The following AGAP1 variants were observed in gnomAD, a reference collection of about 807,000 sequenced individuals.
AGAP1 encodes the protein ArfGAP with GTPase domain, ankyrin repeat and PH domain 1, also known as arf-GAP with GTPase, ANK repeat and PH domain-containing protein 1.
In AGAP1, 29 loss-of-function variants were observed where a neutral mutation model predicts 105.3. The observed-to-expected ratio is 0.28, with a 90% confidence interval of 0.21 to 0.38. The LOEUF is 0.38. Among genes scored for constraint, AGAP1 ranks in the 10% least tolerant of loss-of-function variants. The pLI is 1.00. For synonymous variants in AGAP1, 509 were observed against 485.9 expected (o/e 1.05, Z -0.63); for missense variants, 998 against 1,165.1 (o/e 0.86, Z 2.09).
chr2:235,616,536 A>G (rs1052085669), intron 1 of AGAP1, among the ~76,000 whole-genome samples: 27 of 152,294 alleles, frequency 1.8e-4, no homozygotes, highest in African/African-American at 6.3e-4. Flanking sequence ...TAAAAACCCT[A>G]ACAATGTATT....
chr2:235,595,667 T>C (rs1199091325), intron 1 of AGAP1, among the ~76,000 whole-genome samples: 1 of 152,156 alleles, frequency 6.6e-6, no homozygotes, highest in African/African-American at 2.4e-5. Flanking sequence ...GCTTGGTGTT[T>C]GGGCAGATGC....
At chr2:235,513,806 ATGGGGTCT>A (rs1475404589) in intron 1 of AGAP1, among the ~76,000 whole-genome samples, 1 of 152,116 alleles carries the variant, frequency 6.6e-6, no homozygotes, top group Non-Finnish European at 1.5e-5. Context: ...GCTGTGCTTG[ATGGGGTCT>A]AGAAGCATTG....
rs1054917861 is a variant in AGAP1 at position 235,599,544 on chromosome 2, C to T, written c.163+104695C>T. Among the ~76,000 whole-genome samples the T allele has an allele frequency of 8.6e-5, 13 of 151,948 alleles. No individual in the cohort carries two copies. Among genetic ancestry groups the T allele is most frequent in the African/African-American group, 3.2e-4 (13 of 41,244 alleles). On this transcript the variant is annotated intron_variant, in intron 1 of 17. Transcript: ENST00000304032. The surrounding 1 kb of genome is among the most constrained non-coding windows in gnomAD (Gnocchi z 5.3). ...CAAAAATAAGTTTATAAAAAGCCCCCACCAAGTCAGGATTTGTCCAGAATG... is the reference window on the plus strand; with the variant it reads ...CAAAAATAAGTTTATAAAAAGCCCCTACCAAGTCAGGATTTGTCCAGAATG...
Position 235,549,437 on chromosome 2 carries a change from G to A in AGAP1, c.163+54588G>A, listed in dbSNP as rs542450937. 1.3e-5 allele frequency among the ~76,000 whole-genome samples: 2 copies of A among 152,282 alleles called. No individual in the cohort carries two copies. The highest frequency in any genetic ancestry group is 4.1e-4 in the South Asian group (2 of 4,824). ...CTTGGAGAGATGCTGTTGAGGTTGG[G>A]AGGCAATGCAGGGTGTTCATCAGCC... On this transcript the variant is annotated intron_variant, in intron 1 of 17. Coordinates refer to ENST00000304032, the MANE Select transcript of AGAP1 (RefSeq NM_001037131.3). The surrounding 1 kb of genome is among the most constrained non-coding windows in gnomAD (Gnocchi z 4.2).
intron 1 of AGAP1, among the ~76,000 whole-genome samples, chr2:235,626,133 G>A (rs1376347169): frequency 6.6e-6 from 1 of 151,636 alleles, no homozygotes; most frequent in Non-Finnish European, 1.5e-5. Flanking sequence ...TGGATCACTT[G>A]AGGTCAGCAG....
At chr2:235,833,133 C>T (rs776475002) in intron 9 of AGAP1, among the ~76,000 whole-genome samples, 18 of 152,164 alleles carry the variant, frequency 1.2e-4, no homozygotes, top group Admixed American at 4.6e-4. Flanking sequence ...TGGCAGGACC[C>T]GAGGGTGCAG....
At chr2:236,084,309 A>G (rs1282573306) in intron 16 of AGAP1, among the ~76,000 whole-genome samples, 1 of 152,144 alleles carries the variant, frequency 6.6e-6, no homozygotes, top group African/African-American at 2.4e-5. Flanking sequence ...GCATATTAAC[A>G]TTTAAATGCA....
chr2:235,659,312 T>C lies in AGAP1; in HGVS notation c.164-49867T>C, dbSNP rs1947874321. Among the ~76,000 whole-genome samples, 1 of 152,146 alleles carries C rather than the reference T, an allele frequency of 6.6e-6. No homozygotes were observed. Among genetic ancestry groups the C allele is most frequent in the Non-Finnish European group, 1.5e-5 (1 of 68,036 alleles). Reference sequence around the variant, plus strand: ...AATAGTACCTACCTCTCTGTGGCACTTTGGGGGTAGAATGGATGAACTGAA... The same window carrying C: ...AATAGTACCTACCTCTCTGTGGCACCTTGGGGGTAGAATGGATGAACTGAA... On this transcript the variant is annotated intron_variant, in intron 1 of 17. Transcript: ENST00000304032. The surrounding 1 kb of genome is among the most constrained non-coding windows in gnomAD (Gnocchi z 5.0).
intron 9 of AGAP1, among the ~76,000 whole-genome samples, chr2:235,847,345 T>C (rs564427300): frequency 1.3e-5 from 2 of 152,356 alleles, no homozygotes; most frequent in Non-Finnish European, 2.9e-5. Flanking sequence ...ATGCTCTTTC[T>C]ACTCACTGAC....
intron 2 of AGAP1, among the ~76,000 whole-genome samples, chr2:235,715,230 T>C (rs533588664): frequency 5.8e-4 from 88 of 152,332 alleles, no homozygotes; most frequent in African/African-American, 2.1e-3. Context: ...CATCCATCTA[T>C]CCATCGACCC....
chr2:235,558,063 G>C (rs531019168), intron 1 of AGAP1, among the ~76,000 whole-genome samples: 1 of 152,154 alleles, frequency 6.6e-6, no homozygotes, highest in Non-Finnish European at 1.5e-5. Flanking sequence ...TACCAGGCAC[G>C]GGCTGTGGAG....
At chr2:235,531,975 C>T (rs1214390913) in intron 1 of AGAP1, among the ~76,000 whole-genome samples, 2 of 152,010 alleles carry the variant, frequency 1.3e-5, no homozygotes, top group Non-Finnish European at 2.9e-5. Context: ...CGCATTAGAT[C>T]GGACACCTGG....
At chr2:235,925,341 C>G (rs1009645692) in intron 11 of AGAP1, among the ~76,000 whole-genome samples, 1 of 152,120 alleles carries the variant, frequency 6.6e-6, no homozygotes, top group Non-Finnish European at 1.5e-5. Context: ...CACATCTAAA[C>G]GACCCCAGCT....
At chr2:235,499,585 T>TG (rs1242156487) in intron 1 of AGAP1, among the ~76,000 whole-genome samples, 1 of 152,146 alleles carries the variant, frequency 6.6e-6, no homozygotes, top group Non-Finnish European at 1.5e-5. Flanking sequence ...ACCTCCACAA[T>TG]GCGGGCGTTC....
In AGAP1 at chr2:235,874,650, G is replaced by C. The variant is rs1049779335; in HGVS notation, c.1051-8695G>C. Among the ~76,000 whole-genome samples, 8 of 152,182 alleles carry C rather than the reference G, an allele frequency of 5.3e-5. No individual in the cohort carries two copies. The highest frequency in any genetic ancestry group is 1.2e-4 in the Non-Finnish European group (8 of 68,024). ...TTGGATCAGCTGCTCCTGTCCTTAG[G>C]GGTCAGGACAGGACTTCGTCATGTT... On this transcript the variant is annotated intron_variant, in intron 9 of 17. Coordinates refer to ENST00000304032, the MANE Select transcript of AGAP1 (RefSeq NM_001037131.3). This position sits in a 1 kb window ranked among gnomAD's most constrained non-coding sequence, Gnocchi z 4.5.
rs527835679 is a variant in AGAP1 at position 235,523,946 on chromosome 2, G to A, written c.163+29097G>A. On this transcript the variant is annotated intron_variant, in intron 1 of 17. Transcript: ENST00000304032. ...CCCTCCAGTAGGGATGACCCTGCACGGATGAGGCCGGGGGCGGTGGCCTTG... is the reference window on the plus strand; with the variant it reads ...CCCTCCAGTAGGGATGACCCTGCACAGATGAGGCCGGGGGCGGTGGCCTTG... Among the ~76,000 whole-genome samples the A allele has an allele frequency of 2.0e-5, 3 of 150,830 alleles. No individual in the cohort carries two copies. The South Asian group carries it at 6.3e-4, about 32-fold the overall frequency.
At chr2:236,026,601 C>T (rs1179041152) in intron 13 of AGAP1, among the ~76,000 whole-genome samples, 6 of 152,068 alleles carry the variant, frequency 3.9e-5, no homozygotes, top group South Asian at 2.1e-4. Flanking sequence ...TGGTGGCAGG[C>T]GCCTGCAATC....
chr2:235,536,053 G>A (rs2149083617), intron 1 of AGAP1, among the ~76,000 whole-genome samples: 1 of 151,566 alleles, frequency 6.6e-6, no homozygotes, highest in South Asian at 2.1e-4. Context: ...AGACCCCTGA[G>A]GAGATGGAGG....
At chr2:235,803,518 G>T (rs145919191) in intron 8 of AGAP1, among the ~76,000 whole-genome samples, 1 of 152,164 alleles carries the variant, frequency 6.6e-6, no homozygotes. Context: ...ATAAAAATTC[G>T]TGCAGACTGG....
Sources: allele counts gnomAD v4.1 joint callset (sites outside exome capture counted in the v4.1 genomes callset), GRCh38; gene constraint gnomAD v4.1.1; non-coding constraint Gnocchi (gnomAD v3.1); transcripts MANE v1.5; gene names NCBI Gene and HGNC (gene_info 2026-07-23, HGNC 2026-07-21).